Variants in ARHGEF3 observed in about 807,000 individuals in gnomAD.
The protein encoded by ARHGEF3 is 59.8 kDA protein.
Under a neutral mutation model 63.2 loss-of-function variants are expected in ARHGEF3, and 28 were observed. That is an observed-to-expected ratio of 0.44 (90% CI 0.33 to 0.61). ARHGEF3 has a LOEUF of 0.61. ARHGEF3 is among the 20% of genes least tolerant of loss of function. The pLI is 0.03. For missense variants in ARHGEF3, 533 were observed against 659.3 expected (o/e 0.81, Z 2.10); for synonymous variants, 266 against 254.2 (o/e 1.05, Z -0.44).
intron 1 of ARHGEF3, chr3:57,074,444 T>C (rs941616946): frequency 2.4e-5 from 15 of 614,172 alleles, no homozygotes; most frequent in African/African-American, 2.2e-4. Flanking sequence ...TTCCCCAATA[T>C]CACAGATGAA....
intron 2 of ARHGEF3, among the ~76,000 whole-genome samples, chr3:56,755,381 G>C (rs756433773): frequency 2.4e-4 from 37 of 152,178 alleles, no homozygotes; most frequent in Non-Finnish European, 3.2e-4. Context: ...GTGTGACCTG[G>C]ATACCAAGTG....
At chr3:56,789,148 A>C (rs1254957075) in intron 1 of ARHGEF3, among the ~76,000 whole-genome samples, 2 of 151,976 alleles carry the variant, frequency 1.3e-5, no homozygotes, top group Admixed American at 6.6e-5. Context: ...CAAATTCCCA[A>C]TTTTCAGATG....
intron 4 of ARHGEF3, among the ~76,000 whole-genome samples, chr3:56,878,305 T>C (rs1011861019): frequency 6.6e-6 from 1 of 152,194 alleles, no homozygotes; most frequent in Non-Finnish European, 1.5e-5. Context: ...GGGAGATTCG[T>C]AGGTGGCTGC....
intron 8 of ARHGEF3, among the ~76,000 whole-genome samples, chr3:56,733,354 T>G (rs2033353382): frequency 1.4e-5 from 1 of 70,796 alleles, no homozygotes; most frequent in Non-Finnish European, 2.6e-5. Context: ...GGGGCGCCTG[T>G]AATCCCAGCT....
At chr3:56,870,375 G>T (rs2040397577) in intron 4 of ARHGEF3, among the ~76,000 whole-genome samples, 1 of 152,138 alleles carries the variant, frequency 6.6e-6, no homozygotes, top group Non-Finnish European at 1.5e-5. Flanking sequence ...ATCTGAAAAG[G>T]CTATATACTG....
intron 7 of ARHGEF3, among the ~76,000 whole-genome samples, chr3:56,738,529 T>C (rs1056347193): frequency 2.6e-5 from 4 of 152,038 alleles, no homozygotes; most frequent in African/African-American, 4.8e-5. Context: ...GAAAAAATAA[T>C]GGGAAAAAAG....
intron 2 of ARHGEF3, among the ~76,000 whole-genome samples, chr3:56,997,417 T>G (rs1215171054): frequency 6.6e-6 from 1 of 152,072 alleles, no homozygotes; most frequent in Non-Finnish European, 1.5e-5. Context: ...GGCTCTTGGT[T>G]CTTGGAAGGG....
intron 2 of ARHGEF3, among the ~76,000 whole-genome samples, chr3:56,964,051 G>A (rs557961034): frequency 5.3e-5 from 8 of 151,988 alleles, no homozygotes; most frequent in African/African-American, 1.4e-4. Flanking sequence ...CATAAATTAC[G>A]GGAAAAAAGA....
At chr3:56,899,261 G>A (rs536002755) in intron 3 of ARHGEF3, among the ~76,000 whole-genome samples, 1 of 152,304 alleles carries the variant, frequency 6.6e-6, no homozygotes, top group African/African-American at 2.4e-5. Flanking sequence ...CATCTGAAGT[G>A]GCCTCGGCCA....
At chr3:56,930,074 A>G (rs1039891130) in intron 3 of ARHGEF3, among the ~76,000 whole-genome samples, 1 of 152,114 alleles carries the variant, frequency 6.6e-6, no homozygotes. Context: ...TGTGGCTGGG[A>G]TCCTCTTCAG....
intron 4 of ARHGEF3, among the ~76,000 whole-genome samples, chr3:56,822,324 T>A (rs1037385606): frequency 2.0e-5 from 3 of 152,128 alleles, no homozygotes; most frequent in Non-Finnish European, 4.4e-5. Context: ...GCCCACACTT[T>A]CCAGTCCTGC....
rs1020627486 is a variant in ARHGEF3 at position 56,949,469 on chromosome 3, A to C, written c.129+9354T>G. On this transcript the variant is annotated intron_variant, in intron 3 of 12. Transcript: ENST00000338458. ...AAATCAATGTGCAAAAATCACAAGC[A>C]TTCTTATACACCAATAATAGACAAA... is the stretch of plus-strand genomic sequence containing the variant. Among the ~76,000 whole-genome samples the C allele has an allele frequency of 1.2e-4, 18 of 152,052 alleles. 1 individual carries two copies. Among genetic ancestry groups the C allele is most frequent in the African/African-American group, 4.1e-4 (17 of 41,296 alleles).
intron 3 of ARHGEF3, among the ~76,000 whole-genome samples, chr3:56,927,568 T>C (rs949418801): frequency 1.3e-5 from 2 of 152,174 alleles, no homozygotes; most frequent in Non-Finnish European, 2.9e-5. Context: ...TAACAAAGAA[T>C]TTTTCAACAA....
At chr3:56,749,089 C>T (rs1017056695) in intron 6 of ARHGEF3, among the ~76,000 whole-genome samples, 2 of 152,166 alleles carry the variant, frequency 1.3e-5, no homozygotes, top group Non-Finnish European at 2.9e-5. Flanking sequence ...GACACATCTG[C>T]AGTTAAAAGA....
At chr3:56,874,346 C>T (rs1295296318) in intron 4 of ARHGEF3, among the ~76,000 whole-genome samples, 1 of 152,202 alleles carries the variant, frequency 6.6e-6, no homozygotes, top group East Asian at 1.9e-4. Context: ...TTATTAACCT[C>T]TCCCACATAA....
At chr3:56,864,783 T>C (rs1347400550) in intron 4 of ARHGEF3, among the ~76,000 whole-genome samples, 1 of 152,236 alleles carries the variant, frequency 6.6e-6, no homozygotes, top group Admixed American at 6.5e-5. Flanking sequence ...AGCTATGCAA[T>C]GATCAATGCC....
chr3:56,735,685 T>C (rs926644822), intron 8 of ARHGEF3, among the ~76,000 whole-genome samples: 8 of 152,154 alleles, frequency 5.3e-5, no homozygotes, highest in African/African-American at 1.9e-4. Context: ...AGTCCACAGG[T>C]GCTTTCTGAA....
At chr3:56,740,980 CTAAGATTAGT>C (rs2033977837) in intron 7 of ARHGEF3, among the ~76,000 whole-genome samples, 1 of 152,164 alleles carries the variant, frequency 6.6e-6, no homozygotes, top group African/African-American at 2.4e-5. Context: ...CCTTATGCAG[CTAAGATTAGT>C]TTCAAATACT....
chr3:56,983,702 C>T (rs1474639826), intron 2 of ARHGEF3, among the ~76,000 whole-genome samples: 2 of 152,144 alleles, frequency 1.3e-5, no homozygotes, highest in Non-Finnish European at 1.5e-5. Context: ...CTTTGGGAGC[C>T]AGAGGCGGGC....
Sources: allele counts gnomAD v4.1 joint callset (sites outside exome capture counted in the v4.1 genomes callset), GRCh38; gene constraint gnomAD v4.1.1; transcripts MANE v1.5; gene names NCBI Gene and HGNC (gene_info 2026-07-23, HGNC 2026-07-21).